Variants in NAV2 observed in about 807,000 individuals in gnomAD.
The protein encoded by NAV2 is helicase, APC down-regulated 1.
In NAV2, 54 loss-of-function variants were observed where a neutral mutation model predicts 223.2. The observed-to-expected ratio is 0.24, with a 90% CI of 0.19 to 0.30. The LOEUF is 0.30. Among genes scored for constraint, NAV2 ranks in the 10% least tolerant of loss-of-function variants. The pLI is 1.00. For synonymous variants in NAV2, 1,279 were observed against 1,239.3 expected (o/e 1.03, Z -0.67); for missense variants, 2,806 against 3,147.5 (o/e 0.89, Z 2.60).
intron 1 of NAV2, among the ~76,000 whole-genome samples, chr11:19,485,118 G>C (rs1029791409): frequency 6.6e-6 from 1 of 152,088 alleles, no homozygotes; most frequent in African/African-American, 2.4e-5. Context: ...GGCAACTCCT[G>C]TGGACCCCTG....
Position 19,451,041 on chromosome 11 carries a change from G to C in NAV2, c.75+100014G>C, listed in dbSNP as rs915515865. 8.5e-5 allele frequency among the ~76,000 whole-genome samples: 13 copies of C among 152,262 alleles called. No individual in the cohort carries two copies. The South Asian group carries it at 2.7e-3, about 32-fold the overall frequency. On this transcript the variant is annotated intron_variant, in intron 1 of 37. Coordinates refer to the NAV2 transcript ENST00000360655. ...TGGCCACTTAGTAAATCACCACCCA[G>C]TAGGGACTTCTCTGATTACCTTCCC...
At chr11:19,451,110 T>G (rs976180609) in intron 1 of NAV2, among the ~76,000 whole-genome samples, 12 of 152,118 alleles carry the variant, frequency 7.9e-5, no homozygotes, top group Non-Finnish European at 1.6e-4. Context: ...CCAGGTTAAC[T>G]CCACCCTGGG....
chr11:19,714,362 T>G, intron 1 of NAV2: 3 of 474,988 alleles, frequency 6.3e-6, no homozygotes, highest in African/African-American at 2.0e-5. Flanking sequence ...AGAGATTCTG[T>G]TCCGGACAAG....
intron 10 of NAV2, among the ~76,000 whole-genome samples, chr11:19,975,756 T>C (rs1298350666): frequency 1.3e-5 from 2 of 152,184 alleles, no homozygotes; most frequent in East Asian, 3.9e-4. Flanking sequence ...AATGTAGAAA[T>C]CATTGTAGAG....
At chr11:19,803,282 G>A (rs2058370126) in intron 1 of NAV2, among the ~76,000 whole-genome samples, 1 of 152,210 alleles carries the variant, frequency 6.6e-6, no homozygotes, top group Non-Finnish European at 1.5e-5. Flanking sequence ...ATCACACAGA[G>A]CGCATCAGCT....
chr11:19,910,468 TAA>T (rs1052122576), intron 6 of NAV2, among the ~76,000 whole-genome samples: 6 of 152,024 alleles, frequency 3.9e-5, no homozygotes, highest in Admixed American at 3.3e-4. Context: ...AATTGGAGCT[TAA>T]AGGAAGAGTA....
At chr11:19,896,882 G>A (rs1345579952) in intron 6 of NAV2, among the ~76,000 whole-genome samples, 3 of 152,098 alleles carry the variant, frequency 2.0e-5, no homozygotes, top group Non-Finnish European at 4.4e-5. Context: ...CCCATTACTG[G>A]GTATATACCC....
intron 1 of NAV2, among the ~76,000 whole-genome samples, chr11:19,813,872 G>A (rs192930593): frequency 9.3e-4 from 142 of 152,254 alleles, no homozygotes; most frequent in Non-Finnish European, 1.7e-3. Flanking sequence ...AACCTCCAGG[G>A]ATGTTGGCAG....
chr11:19,598,519 A>G (rs901927222), intron 1 of NAV2, among the ~76,000 whole-genome samples: 3 of 152,220 alleles, frequency 2.0e-5, no homozygotes, highest in Non-Finnish European at 4.4e-5. Flanking sequence ...TGTAGTGATC[A>G]GAGCTAACAT....
At chr11:19,618,492 AGATGGATG>A (rs72080375) in intron 1 of NAV2, among the ~76,000 whole-genome samples, 2,725 of 136,882 alleles carry the variant, frequency 0.02, 23 homozygotes, top group Middle Eastern at 0.034. Context: ...CTGTCTGGAT[AGATGGATG>A]GATGGATGGA....
chr11:19,867,183 G>A (rs1191141205), intron 3 of NAV2, among the ~76,000 whole-genome samples: 1 of 152,162 alleles, frequency 6.6e-6, no homozygotes, highest in Non-Finnish European at 1.5e-5. Context: ...ACAAATGGGA[G>A]CAGATTGCTC....
chr11:19,627,262 C>T (rs2047198013), intron 1 of NAV2, among the ~76,000 whole-genome samples: 1 of 152,102 alleles, frequency 6.6e-6, no homozygotes, highest in South Asian at 2.1e-4. Flanking sequence ...GTATTGTGTG[C>T]CTGTAATCCC....
intron 10 of NAV2, among the ~76,000 whole-genome samples, chr11:19,983,862 C>T (rs974827036): frequency 2.0e-5 from 3 of 152,154 alleles, no homozygotes; most frequent in South Asian, 4.1e-4. Flanking sequence ...TTCCCGTCTG[C>T]GTCGTAGGTA....
At chr11:20,082,468 G>A (rs1592050967) in intron 25 of NAV2, 2 of 884,912 alleles carry the variant, frequency 2.3e-6, no homozygotes, top group South Asian at 2.8e-5. Flanking sequence ...CCCTGTGTGT[G>A]GTGTTTATTA....
intron 1 of NAV2, among the ~76,000 whole-genome samples, chr11:19,814,781 A>C (rs911023206): frequency 6.6e-6 from 1 of 152,082 alleles, no homozygotes; most frequent in Non-Finnish European, 1.5e-5. Flanking sequence ...GGTCACTTTG[A>C]TGTGGTCAGA....
At position 20,105,731 on chromosome 11, in the gene NAV2, G is replaced by A. The variant is rs193250096; in HGVS notation, c.6841+4G>A. ...AGTTCCTCGGACGTCACCATCGGTG[G>A]GTGGGAGACTGGGGTCAGGGGGGCG... is the stretch of plus-strand genomic sequence containing the variant. On this transcript the variant is annotated splice_donor_region_variant and intron_variant, in intron 35 of 37. Coordinates refer to ENST00000349880, the MANE Select transcript of NAV2 (RefSeq NM_145117.5). The A allele has an allele frequency of 2.2e-4, 353 of 1,609,298 alleles. 1 individual carries two copies. In the African/African-American group the frequency reaches 4.2e-3, roughly 19 times the overall value.
At chr11:19,807,432 CT>C (rs971431359) in intron 1 of NAV2, among the ~76,000 whole-genome samples, 1 of 152,202 alleles carries the variant, frequency 6.6e-6, no homozygotes, top group African/African-American at 2.4e-5. Flanking sequence ...CTGGGCCTTT[CT>C]TTTTTGGGGC....
intron 11 of NAV2, among the ~76,000 whole-genome samples, chr11:20,000,056 C>T (rs939379258): frequency 6.6e-6 from 1 of 152,172 alleles, no homozygotes; most frequent in South Asian, 2.1e-4. Flanking sequence ...TGGGAGGTCT[C>T]ACTCAGCTCT....
chr11:19,861,782 C>T (rs115630493), intron 3 of NAV2, among the ~76,000 whole-genome samples: 3,710 of 152,266 alleles, frequency 0.024, 152 homozygotes, highest in African/African-American at 0.086. Context: ...AGGAGAGTCA[C>T]TCTGAAATTG....
Sources: gnomAD v4.1 joint callset for allele counts (sites outside exome capture counted in the v4.1 genomes callset) on GRCh38, gnomAD v4.1.1 for gene constraint, MANE v1.5 for transcripts, NCBI Gene and HGNC (gene_info 2026-07-23, HGNC 2026-07-21) for gene names.